Variants in HSPB1 observed in about 807,000 individuals in gnomAD.
HSPB1 encodes the protein heat shock protein beta-1.
Under a neutral mutation model 17.0 loss-of-function variants are expected in HSPB1, and 19 were observed. The ratio of observed to expected loss-of-function variants is 1.12; its 90% confidence interval spans 0.78 to 1.64. The LOEUF (loss-of-function observed/expected upper bound fraction) is 1.64, where lower values mean the gene tolerates loss of function less well. Ranked by LOEUF, HSPB1 falls within the 40% of genes most tolerant of loss-of-function variation. The pLI, the probability that HSPB1 is intolerant of heterozygous loss-of-function variation, is 0.00. For synonymous variants in HSPB1, 165 were observed against 129.8 expected (o/e 1.27, Z -1.84); for missense variants, 348 against 289.2 (o/e 1.20, Z -1.47).
In HSPB1 at chr7:76,303,038, T is replaced by G. The variant is rs17850892; in HGVS notation, c.326T>G (p.Leu109Arg). 1 of 1,542,176 alleles carries G rather than the reference T, an allele frequency of 6.5e-7. No individual in the cohort carries two copies. Among genetic ancestry groups the G allele is most frequent in the Non-Finnish European group, 8.7e-7 (1 of 1,148,428 alleles). Residue 109 changes from leucine (L) to arginine (R), a missense_variant, in exon 1 of 3, where the codon CTG (leucine) becomes CGG (arginine). Transcript: ENST00000248553. ...GTCAACCACTTCGCCCCGGACGAGCTGACGGTCAAGACCAAGGATGGCGTG... is the reference window on the plus strand; with the variant it reads ...GTCAACCACTTCGCCCCGGACGAGCGGACGGTCAAGACCAAGGATGGCGTG... ...LDVNHFAPDE[L>R]TVKTKDGVVE... is the part of the protein sequence containing the mutation.
At position 76,302,773 on chromosome 7, in the gene HSPB1, G is replaced by C; in HGVS notation, c.61G>C (p.Asp21His). 6.2e-7 allele frequency: 1 copy of C among 1,607,852 alleles called. No individual in the cohort carries two copies. Among genetic ancestry groups the C allele is most frequent in the Middle Eastern group, 1.7e-4 (1 of 5,738 alleles). Reference protein sequence around the residue: ...LRGPSWDPFRDWYPHSRLFDQ... With the variant: ...LRGPSWDPFRHWYPHSRLFDQ... Reference sequence around the variant, plus strand: ...GGGCCCCAGCTGGGACCCCTTCCGCGACTGGTACCCGCATAGCCGCCTCTT... The same window carrying C: ...GGGCCCCAGCTGGGACCCCTTCCGCCACTGGTACCCGCATAGCCGCCTCTT... Residue 21 changes from aspartate to histidine, a missense_variant, in exon 1 of 3, where the codon GAC (aspartate) becomes CAC (histidine). Asp to His is a moderately conservative substitution (Grantham distance 81). Coordinates refer to ENST00000248553, the MANE Select transcript of HSPB1 (RefSeq NM_001540.5).
intron 1 of HSPB1, chr7:76,303,302 A>G (rs1803038522): frequency 3.5e-6 from 2 of 569,984 alleles, no homozygotes; most frequent in South Asian, 4.6e-5. Context: ...CCGAGACGGG[A>G]GGATCGCTTG....
In HSPB1 at chr7:76,302,881, C is replaced by T. The variant is rs1803021885; in HGVS notation, c.169C>T (p.Pro57Ser). The T allele has an allele frequency of 1.9e-6, 3 of 1,565,960 alleles. No homozygotes were observed. The highest frequency in any genetic ancestry group is 2.6e-6 in the Non-Finnish European group (3 of 1,161,470). The change falls in exon 1 of 3, where the codon CCC becomes TCC. Residue 57 changes from proline to serine, a missense_variant. By Grantham distance (74) the Pro-to-Ser change is moderately conservative (BLOSUM62 -1). Transcript: ENST00000248553. ...CAGCAGCTGGCCAGGCTACGTGCGC[C>T]CCCTGCCCCCCGCCGCCATCGAGAG... ...GGSSWPGYVR[P>S]LPPAAIESPA...
chr7:76,303,030 G>A lies in HSPB1; in HGVS notation c.318G>A (p.Pro106=), dbSNP rs750349055. 6 of 1,541,918 alleles carry A rather than the reference G, an allele frequency of 3.9e-6. No homozygotes were observed. The South Asian group carries it at 4.7e-5, about 12-fold the overall frequency. ...CCCTGGATGTCAACCACTTCGCCCCGGACGAGCTGACGGTCAAGACCAAGG... is the reference window on the plus strand; with the variant it reads ...CCCTGGATGTCAACCACTTCGCCCCAGACGAGCTGACGGTCAAGACCAAGG... ...RVSLDVNHFA[P]DELTVKTKDG... The change falls in exon 1 of 3, where the codon CCG becomes CCA. Residue 106 remains proline, a synonymous_variant. Coordinates refer to ENST00000248553, the MANE Select transcript of HSPB1 (RefSeq NM_001540.5).
chr7:76,304,156 G>C lies in HSPB1; in HGVS notation c.601G>C (p.Glu201Gln), dbSNP rs1188445593. The change falls in exon 3 of 3, where the codon GAG (glutamate) becomes CAG (glutamine). Residue 201 changes from glutamate (E) to glutamine (Q), a missense_variant. By Grantham distance (29) the Glu-to-Gln change is conservative. Coordinates refer to ENST00000248553, the MANE Select transcript of HSPB1 (RefSeq NM_001540.5). ...LGGPEAAKSD[E>Q]TAAK Reference sequence around the variant, plus strand: ...GGGCCCAGAAGCTGCAAAATCCGATGAGACTGCCGCCAAGTAAAGCCTTAG... The same window carrying C: ...GGGCCCAGAAGCTGCAAAATCCGATCAGACTGCCGCCAAGTAAAGCCTTAG... The C allele has an allele frequency of 5.0e-6, 8 of 1,611,308 alleles. No homozygotes were observed. Among genetic ancestry groups the C allele is most frequent in the Admixed American group, 1.7e-5 (1 of 59,794 alleles).
chr7:76,304,017 C>T lies in HSPB1; in HGVS notation c.462C>T (p.Ser154=), dbSNP rs1433457237. ...CCGGTGTGGACCCCACCCAAGTTTC[C>T]TCCTCCCTGTCCCCTGAGGGCACAC... ...LPPGVDPTQV[S]SSLSPEGTLT... Residue 154 remains serine, a synonymous_variant, in exon 3 of 3, where the codon TCC becomes TCT. Coordinates refer to ENST00000248553, the MANE Select transcript of HSPB1 (RefSeq NM_001540.5). 6.2e-7 allele frequency: 1 copy of T among 1,613,934 alleles called. No homozygotes were observed. Among genetic ancestry groups the T allele is most frequent in the Non-Finnish European group, 8.5e-7 (1 of 1,180,024 alleles).
Position 76,302,940 on chromosome 7 carries a change from G to A in HSPB1, c.228G>A (p.Ala76=). The A allele has an allele frequency of 6.5e-7, 1 of 1,544,514 alleles. No homozygotes were observed. Among genetic ancestry groups the A allele is most frequent in the South Asian group, 1.2e-5 (1 of 85,216 alleles). The change falls in exon 1 of 3, where the codon GCG becomes GCA. Residue 76 remains alanine (A), a synonymous_variant. Transcript: ENST00000248553. ...TGGCCGCGCCCGCCTACAGCCGCGC[G>A]CTCAGCCGGCAACTCAGCAGCGGGG... ...PAVAAPAYSR[A]LSRQLSSGVS...
Position 76,303,032 on chromosome 7 carries a change from A to G in HSPB1, c.320A>G (p.Asp107Gly), listed in dbSNP as rs1361944003. 6.5e-7 allele frequency: 1 copy of G among 1,542,004 alleles called. No homozygotes were observed. The highest frequency in any genetic ancestry group is 1.2e-5 in the South Asian group (1 of 84,866). The change falls in exon 1 of 3, where the codon GAC becomes GGC. Residue 107 changes from aspartate (D) to glycine (G), a missense_variant. Asp to Gly is a moderately conservative substitution (Grantham distance 94). Coordinates refer to ENST00000248553, the MANE Select transcript of HSPB1 (RefSeq NM_001540.5). ...CTGGATGTCAACCACTTCGCCCCGGACGAGCTGACGGTCAAGACCAAGGAT... is the reference window on the plus strand; with the variant it reads ...CTGGATGTCAACCACTTCGCCCCGGGCGAGCTGACGGTCAAGACCAAGGAT... ...VSLDVNHFAPDELTVKTKDGV... is the reference protein window; with the variant it reads ...VSLDVNHFAPGELTVKTKDGV...
chr7:76,304,152 C>T lies in HSPB1; in HGVS notation c.597C>T (p.Ser199=), dbSNP rs754752892. ...TTGGGGGCCCAGAAGCTGCAAAATC[C>T]GATGAGACTGCCGCCAAGTAAAGCC... The part of the protein sequence containing the change: ...AQLGGPEAAK[S]DETAAK The change falls in exon 3 of 3, where the codon TCC becomes TCT. Residue 199 remains serine (S), a synonymous_variant. Transcript: ENST00000248553. 1.2e-6 allele frequency: 2 copies of T among 1,611,840 alleles called. No homozygotes were observed. The highest frequency in any genetic ancestry group is 1.7e-6 in the Non-Finnish European group (2 of 1,179,176).
At position 76,302,688 on chromosome 7, in the gene HSPB1, G is replaced by A. The variant is rs765960379; in HGVS notation, c.-25G>A. On this transcript the variant is annotated 5_prime_UTR_variant, in exon 1 of 3. Coordinates refer to ENST00000248553, the MANE Select transcript of HSPB1 (RefSeq NM_001540.5). ...CCAGCGCCCCGCACTTTTCTGAGCA[G>A]ACGTCCAGAGCAGAGTCAGCCAGCA... 2.5e-6 allele frequency: 4 copies of A among 1,598,162 alleles called. No homozygotes were observed. The Admixed American group carries it at 5.0e-5, about 20-fold the overall frequency.
At chr7:76,303,620 G>T (rs925371542) in intron 1 of HSPB1, 182 bp from the exon 2 acceptor site, 127 of 639,348 alleles carry the variant, frequency 2.0e-4, no homozygotes, top group Non-Finnish European at 5.7e-5. Context: ...CTGAATCGAA[G>T]AACTTTCCGG....
At chr7:76,303,452 A>G in intron 1 of HSPB1, 1 of 495,784 alleles carries the variant, frequency 2.0e-6, no homozygotes, top group Non-Finnish European at 3.4e-6. Flanking sequence ...TTTTCTACAG[A>G]GTCCCCTTCC....
rs553117142 is a variant in HSPB1, at chr7:76,303,878, G to A, written c.428+13G>A. 5.9e-6 allele frequency: 8 copies of A among 1,346,320 alleles called. 1 individual carries two copies. In the South Asian group the frequency reaches 9.3e-5, roughly 16 times the overall value. The allele number at this position is 1,346,320 out of a possible 1,614,324, so 83.4% of individuals were successfully genotyped here. On this transcript the variant is annotated intron_variant, in intron 2 of 2. Coordinates refer to ENST00000248553, the MANE Select transcript of HSPB1 (RefSeq NM_001540.5). Reference sequence around the variant, plus strand: ...CGCGGAAATACACGTGAGTCCTGGCGCCAGGTCGGGGTGGGTGGGTGGCGT... The same window carrying A: ...CGCGGAAATACACGTGAGTCCTGGCACCAGGTCGGGGTGGGTGGGTGGCGT...
At position 76,304,190 on chromosome 7, in the gene HSPB1, CCCACCCCTGCTG is replaced by C. The variant is rs759623334; in HGVS notation, c.*20_*31del. 7 of 1,600,206 alleles carry C rather than the reference CCCACCCCTGCTG, an allele frequency of 4.4e-6. No homozygotes were observed. In the African/African-American group the frequency reaches 8.1e-5, roughly 18 times the overall value. Reference sequence around the variant, plus strand: ...GCCAAGTAAAGCCTTAGCCCGGATGCCCACCCCTGCTGCCGCCACTGGCTGTGCCTCCCCCGC... The same window carrying C: ...GCCAAGTAAAGCCTTAGCCCGGATGCCCGCCACTGGCTGTGCCTCCCCCGC... On this transcript the variant is annotated 3_prime_UTR_variant, in exon 3 of 3. Transcript: ENST00000248553.
intron 1 of HSPB1, 102 bp downstream of exon 1, chr7:76,303,178 A>C: frequency 7.2e-7 from 1 of 1,382,598 alleles, no homozygotes; most frequent in Non-Finnish European, 9.7e-7. Flanking sequence ...TGGGGAGTTA[A>C]ACGTTGGCCC....
chr7:76,303,132 C>T (rs933656329), intron 1 of HSPB1, 56 bp downstream of exon 1: 18 of 1,488,368 alleles, frequency 1.2e-5, no homozygotes, highest in Non-Finnish European at 1.5e-5. Flanking sequence ...CGGGCAGGGC[C>T]GGGGGCGTGC....
chr7:76,303,309 C>G, intron 1 of HSPB1: 3 of 557,038 alleles, frequency 5.4e-6, no homozygotes, highest in Non-Finnish European at 9.4e-6. Context: ...GGGAGGATCG[C>G]TTGAGGCCAG....
In HSPB1 at chr7:76,304,076, C is replaced by T. The variant is rs1431930864; in HGVS notation, c.521C>T (p.Thr174Met). 1.9e-6 allele frequency: 3 copies of T among 1,613,786 alleles called. No homozygotes were observed. Among genetic ancestry groups the T allele is most frequent in the Admixed American group, 1.7e-5 (1 of 59,980 alleles). Residue 174 changes from threonine (T) to methionine (M), a missense_variant, in exon 3 of 3, where the codon ACG (threonine) becomes ATG (methionine). Physicochemically the swap from Thr to Met is moderately conservative, Grantham distance 81. Coordinates refer to ENST00000248553, the MANE Select transcript of HSPB1 (RefSeq NM_001540.5). ...TVEAPMPKLA[T>M]QSNEITIPVT... The stretch of plus-strand genomic sequence containing the variant: ...GAGGCCCCCATGCCCAAGCTAGCCA[C>T]GCAGTCCAACGAGATCACCATCCCA...
Position 76,304,209 on chromosome 7 carries a change from C to G in HSPB1, c.*36C>G. ...CGGATGCCCACCCCTGCTGCCGCCA[C>G]TGGCTGTGCCTCCCCCGCCACCTGT... On this transcript the variant is annotated 3_prime_UTR_variant, in exon 3 of 3. Transcript: ENST00000248553. 2.6e-6 allele frequency: 4 copies of G among 1,558,950 alleles called. No individual in the cohort carries two copies. Among genetic ancestry groups the G allele is most frequent in the Non-Finnish European group, 2.6e-6 (3 of 1,139,858 alleles).
Sources: allele counts gnomAD v4.1 joint callset, GRCh38; gene constraint gnomAD v4.1.1; transcripts MANE v1.5; gene names NCBI Gene and HGNC (gene_info 2026-07-23, HGNC 2026-07-21).